The following ITPR1 variants were observed in gnomAD, a reference collection of about 807,000 sequenced individuals.
ITPR1 encodes the protein inositol 1,4,5-trisphosphate receptor type 1.
A neutral mutation model predicts 318.4 loss-of-function variants in ITPR1; 96 were observed. The observed-to-expected ratio is 0.30, with a 90% CI of 0.26 to 0.36. The LOEUF (loss-of-function observed/expected upper bound fraction) is 0.36. Ranked by LOEUF, ITPR1 falls within the 10% of genes least tolerant of loss-of-function variation. The probability of loss-of-function intolerance (pLI) is 1.00; values close to 1 mark genes in which losing one functional copy is unlikely to be tolerated. For synonymous variants in ITPR1, 1,312 were observed against 1,289.9 expected, an observed-to-expected ratio of 1.02 and a Z score of -0.37; for missense variants, 2,440 against 3,460.2, an observed-to-expected ratio of 0.71 and a Z score of 7.40.
At chr3:4,525,884 C>T (rs1021012364) in intron 4 of ITPR1, among the ~76,000 whole-genome samples, 14 of 152,174 alleles carry the variant, frequency 9.2e-5, no homozygotes, top group African/African-American at 3.4e-4. Context: ...ATAAAGATAT[C>T]TACAAAGAAA....
Position 4,599,023 on chromosome 3 carries a change from TC to T in ITPR1, c.164-28739del, listed in dbSNP as rs2091068516. 1.3e-4 allele frequency among the ~76,000 whole-genome samples: 19 copies of T among 151,580 alleles called. No homozygotes were observed. In the South Asian group the frequency reaches 3.5e-3, roughly 28 times the overall value. On this transcript the variant is annotated intron_variant, in intron 4 of 61. Coordinates refer to ENST00000649015, the MANE Select transcript of ITPR1 (RefSeq NM_001378452.1). ...TTACTGATGAGCTTTTTTTTTTTTT[TC>T]ATCTTTTCTGGCTATCACCTAATTT...
intron 31 of ITPR1, among the ~76,000 whole-genome samples, chr3:4,690,550 A>G (rs1054546699): frequency 1.1e-4 from 17 of 152,220 alleles, no homozygotes; most frequent in African/African-American, 3.9e-4. Flanking sequence ...AAAGCCAAAC[A>G]TACTCATACT....
At chr3:4,720,945 A>G (rs1040090097) in intron 40 of ITPR1, among the ~76,000 whole-genome samples, 1 of 151,980 alleles carries the variant, frequency 6.6e-6, no homozygotes, top group Non-Finnish European at 1.5e-5. Context: ...CAGCAGTTAC[A>G]TAAGAGCTGC....
In ITPR1 at chr3:4,619,571, TCCCCTTC is replaced by T. The variant is rs1553648675; in HGVS notation, c.164-8181_164-8175del. 4.7e-4 allele frequency among the ~76,000 whole-genome samples: 46 copies of T among 97,520 alleles called. 1 individual carries two copies. The highest frequency in any genetic ancestry group is 2.2e-3 in the African/African-American group (44 of 20,028). The allele number at this position is 97,520 out of a possible 152,430, so 64.0% of individuals were successfully genotyped here. A position where few individuals can be genotyped will look rare whatever the true frequency, so the allele number is the denominator to read the frequency against. On this transcript the variant is annotated intron_variant, in intron 4 of 61. Transcript: ENST00000649015. ...GCCCTTTCCCCCTTCCCCTGCCCTT[TCCCCTTC>T]CCCCTTCCCCTGCCCTCCCCTGCTC...
In ITPR1 at chr3:4,814,409, T is replaced by C; in HGVS notation, c.7562-14T>C. ...CTCACGTTTTCTCTCTGTTGTTACT[T>C]GCCGTGTTCACAGAGCTGGTCCCTG... is the stretch of plus-strand genomic sequence containing the variant. On this transcript the variant is annotated splice_polypyrimidine_tract_variant and intron_variant, in intron 57 of 61. Transcript: ENST00000649015. 6.2e-7 allele frequency: 1 copy of C among 1,613,868 alleles called. No homozygotes were observed. The highest frequency in any genetic ancestry group is 1.1e-5 in the South Asian group (1 of 91,072).
chr3:4,584,784 C>T (rs1007944258), intron 4 of ITPR1, among the ~76,000 whole-genome samples: 6 of 152,172 alleles, frequency 3.9e-5, no homozygotes, highest in Admixed American at 1.3e-4. Flanking sequence ...GACCCCCGTT[C>T]ATCTCCCTTG....
intron 51 of ITPR1, among the ~76,000 whole-genome samples, chr3:4,787,337 C>CAAAAA (rs71053443): frequency 1.1e-3 from 55 of 51,336 alleles, no homozygotes; most frequent in Non-Finnish European, 1.1e-3. Context: ...GACTCCATCT[C>CAAAAA]AAAAAAAAAA....
At chr3:4,616,560 T>G (rs1442334788) in intron 4 of ITPR1, among the ~76,000 whole-genome samples, 1 of 152,230 alleles carries the variant, frequency 6.6e-6, no homozygotes. Flanking sequence ...ACCTATTGAT[T>G]TCATCTCATA....
At chr3:4,717,165 A>G (rs2041830896) in intron 39 of ITPR1, among the ~76,000 whole-genome samples, 1 of 152,224 alleles carries the variant, frequency 6.6e-6, no homozygotes, top group African/African-American at 2.4e-5. Context: ...GCGTGGCAGC[A>G]TCGTGTCCGT....
chr3:4,653,199 A>C (rs758500104), intron 11 of ITPR1, among the ~76,000 whole-genome samples: 4 of 152,172 alleles, frequency 2.6e-5, no homozygotes, highest in African/African-American at 9.7e-5. Flanking sequence ...GTCTGGGACC[A>C]CCCATGAGAC....
intron 28 of ITPR1, 105 bp downstream of exon 28, chr3:4,683,903 C>T: frequency 1.9e-6 from 2 of 1,047,114 alleles, no homozygotes; most frequent in Non-Finnish European, 2.8e-6. Flanking sequence ...GATTTATTTT[C>T]AAGAGATCTG....
intron 51 of ITPR1, among the ~76,000 whole-genome samples, chr3:4,785,629 C>A (rs912692150): frequency 6.6e-6 from 1 of 152,138 alleles, no homozygotes; most frequent in African/African-American, 2.4e-5. Flanking sequence ...TCCTCTAGAG[C>A]CCTTAAAAGG....
At chr3:4,561,374 G>T (rs2086658747) in intron 4 of ITPR1, among the ~76,000 whole-genome samples, 1 of 152,182 alleles carries the variant, frequency 6.6e-6, no homozygotes, top group Non-Finnish European at 1.5e-5. Context: ...TTGAGACCGA[G>T]TGGTTAATAA....
intron 59 of ITPR1, among the ~76,000 whole-genome samples, chr3:4,816,628 A>G (rs1411666309): frequency 6.6e-6 from 1 of 152,172 alleles, no homozygotes; most frequent in African/African-American, 2.4e-5. Flanking sequence ...AGCTCAGGCA[A>G]TCTGCCCGTT....
At chr3:4,665,507 A>C (rs1002374796) in intron 17 of ITPR1, among the ~76,000 whole-genome samples, 11 of 152,226 alleles carry the variant, frequency 7.2e-5, no homozygotes, top group African/African-American at 2.4e-4. Flanking sequence ...TCTTCTGCAG[A>C]CATCTTTCTA....
intron 15 of ITPR1, among the ~76,000 whole-genome samples, chr3:4,662,587 A>T (rs2093858284): frequency 6.6e-6 from 1 of 152,060 alleles, no homozygotes; most frequent in Non-Finnish European, 1.5e-5. Flanking sequence ...GCCAGGCATG[A>T]TGGCGGATGC....
rs1376902340 is a variant in ITPR1, at chr3:4,733,235, G to A, written c.5353+15G>A. ...CGGGGGAGGAGGTACGCTTTGTGGT[G>A]TAATTACCTTCGTGTGTGAATCAAG... On this transcript the variant is annotated intron_variant, in intron 43 of 61. Coordinates refer to ENST00000649015, the MANE Select transcript of ITPR1 (RefSeq NM_001378452.1). 1.2e-6 allele frequency: 2 copies of A among 1,612,978 alleles called. No homozygotes were observed. Among genetic ancestry groups the A allele is most frequent in the Non-Finnish European group, 1.7e-6 (2 of 1,179,178 alleles).
chr3:4,679,997 G>T (rs2094265227), intron 24 of ITPR1, among the ~76,000 whole-genome samples: 1 of 152,132 alleles, frequency 6.6e-6, no homozygotes, highest in African/African-American at 2.4e-5. Flanking sequence ...GGTTCTAGCA[G>T]CAATCCTGGG....
At chr3:4,687,287 G>T (rs11920954) in intron 30 of ITPR1, among the ~76,000 whole-genome samples, 8,003 of 152,204 alleles carry the variant, frequency 0.053, 739 homozygotes, top group African/African-American at 0.18. Flanking sequence ...AGTCTAGCCC[G>T]GAACCAAAAG....
Sources: allele counts gnomAD v4.1 joint callset (sites outside exome capture counted in the v4.1 genomes callset), GRCh38; gene constraint gnomAD v4.1.1; transcripts MANE v1.5; gene names NCBI Gene and HGNC (gene_info 2026-07-23, HGNC 2026-07-21).